Variants in CFAP251 observed in about 807,000 individuals in gnomAD.
The protein encoded by CFAP251 is cilia and flagella associated protein 251, also known as cilia- and flagella-associated protein 251.
In CFAP251, 93 loss-of-function variants were observed where a neutral mutation model predicts 126.7. The ratio of observed to expected loss-of-function variants is 0.73; its 90% CI spans 0.62 to 0.87. The LOEUF (loss-of-function observed/expected upper bound fraction) is 0.87, where lower values mean the gene tolerates loss of function less well. Ranked by LOEUF, CFAP251 falls within the 40% of genes least tolerant of loss-of-function variation. The probability of loss-of-function intolerance (pLI) is 0.00; values close to 1 mark genes in which losing one functional copy is unlikely to be tolerated. For missense variants in CFAP251, 1,287 were observed against 1,389.2 expected, an observed-to-expected ratio of 0.93 and a Z score of 1.17; for synonymous variants, 503 against 506.9, an observed-to-expected ratio of 0.99 and a Z score of 0.10.
chr12:121,966,762 T>A (rs969996306), intron 15 of CFAP251, among the ~76,000 whole-genome samples, 193 bp from the exon 16 acceptor site: 1 of 151,696 alleles, frequency 6.6e-6, no homozygotes, highest in African/African-American at 2.4e-5. Flanking sequence ...ATTTTTGTAT[T>A]TTTAGTAGAG....
At chr12:121,986,116 C>T (rs763446720) in intron 19 of CFAP251, among the ~76,000 whole-genome samples, 2 of 151,838 alleles carry the variant, frequency 1.3e-5, no homozygotes, top group Admixed American at 6.6e-5. Context: ...CTCAGCCTCC[C>T]GAGTAGCTGG....
intron 19 of CFAP251, among the ~76,000 whole-genome samples, chr12:121,987,453 A>G (rs1035324595): frequency 1.3e-5 from 2 of 152,254 alleles, no homozygotes; most frequent in South Asian, 4.1e-4. Context: ...GGTGGTTCAT[A>G]CCCGTAATCC....
intron 21 of CFAP251, among the ~76,000 whole-genome samples, chr12:122,003,319 C>G (rs1362921838): frequency 6.6e-6 from 1 of 152,178 alleles, no homozygotes; most frequent in Non-Finnish European, 1.5e-5. Flanking sequence ...TAGCTGTAAT[C>G]CCAGCGCTTT....
intron 10 of CFAP251, among the ~76,000 whole-genome samples, chr12:121,956,159 G>A (rs952925703): frequency 2.6e-5 from 4 of 152,202 alleles, no homozygotes; most frequent in African/African-American, 9.7e-5. Flanking sequence ...GCCTTCTGCC[G>A]TGATGACTGG....
chr12:121,941,054 G>A (rs1881091666), intron 5 of CFAP251, among the ~76,000 whole-genome samples: 1 of 150,222 alleles, frequency 6.7e-6, no homozygotes. Context: ...TTTTTGAGAT[G>A]GAGTTTCACT....
At chr12:121,954,636 TAAAAAAAAAAAAAA>T (rs1174239421) in intron 10 of CFAP251, among the ~76,000 whole-genome samples, 89 of 41,984 alleles carry the variant, frequency 2.1e-3, no homozygotes, top group African/African-American at 8.0e-3. Flanking sequence ...CCTCCTGTCT[TAAAAAAAAAAAAAA>T]AAAAAAAAAA....
chr12:121,937,369 G>A (rs1194894315), intron 5 of CFAP251, among the ~76,000 whole-genome samples: 2 of 152,264 alleles, frequency 1.3e-5, no homozygotes, highest in Admixed American at 6.5e-5. Context: ...GCCCACCCCA[G>A]TCCAGCACAA....
intron 19 of CFAP251, chr12:121,998,467 ATATATATATATATATATATAT>A (rs1883073605): frequency 2.2e-5 from 1 of 45,064 alleles, no homozygotes; most frequent in African/African-American, 8.6e-5. Context: ...ATATATATAT[ATATATATATATATATATATAT>A]GATTGTGTTA....
At chr12:121,951,607 G>T in intron 9 of CFAP251, 77 bp downstream of exon 9, 1 of 1,135,722 alleles carries the variant, frequency 8.8e-7, no homozygotes. Context: ...AGCTGCTTCG[G>T]GCTACTCTTT....
chr12:121,924,118 GT>G lies in CFAP251; in HGVS notation c.747+139del, dbSNP rs746802191. The G allele has an allele frequency of 3.0e-3, 3,165 of 1,039,486 alleles. 1 individual carries two copies. The highest frequency in any genetic ancestry group is 5.6e-3 in the Admixed American group (181 of 32,078). The allele number at this position is 1,039,486 out of a possible 1,614,324, so 64.4% of individuals were successfully genotyped here. A position where few individuals can be genotyped will look rare whatever the true frequency, so the allele number is the denominator to read the frequency against. On this transcript the variant is annotated intron_variant, in intron 3 of 21. Transcript: ENST00000288912. The stretch of plus-strand genomic sequence containing the variant: ...CTTTTTAAACTAATAATAGACTTGT[GT>G]TTTTTTTTTTAAGACAGTCTTGCTT...
At chr12:121,929,581 CA>C (rs1161637048) in intron 3 of CFAP251, among the ~76,000 whole-genome samples, 1 of 151,942 alleles carries the variant, frequency 6.6e-6, no homozygotes, top group African/African-American at 2.4e-5. Flanking sequence ...GACATGTACC[CA>C]GCATTCTAGT....
chr12:121,961,909 T>C, intron 14 of CFAP251, 69 bp from the exon 15 acceptor site: 3 of 1,494,708 alleles, frequency 2.0e-6, no homozygotes, highest in Non-Finnish European at 1.8e-6. Context: ...ACCCAAGAGC[T>C]TGGGGTTCCT....
chr12:121,960,860 T>G, intron 14 of CFAP251, 102 bp downstream of exon 14: 1 of 1,378,454 alleles, frequency 7.3e-7, no homozygotes, highest in Non-Finnish European at 9.9e-7. Flanking sequence ...TACGTGTGTT[T>G]GTTGGAGAAA....
chr12:121,942,472 G>A, intron 5 of CFAP251, 62 bp from the exon 6 acceptor site: 1 of 1,227,866 alleles, frequency 8.1e-7, no homozygotes, highest in Non-Finnish European at 1.2e-6. Flanking sequence ...GACCTGCCCT[G>A]GGACTCTCTG....
At chr12:121,928,033 C>T (rs148359643) in intron 3 of CFAP251, among the ~76,000 whole-genome samples, 4 of 152,278 alleles carry the variant, frequency 2.6e-5, no homozygotes, top group Non-Finnish European at 4.4e-5. Context: ...CAATTGTGAA[C>T]GCTGCTCGAG....
rs955189524 is a variant in CFAP251, at chr12:121,989,547, G to A, written c.3007-10169G>A. ...CCAGATGTGGCCATGCAGTGACGCT[G>A]CCCAGCCCTTACGCCCCCTCCTCAG... is the stretch of plus-strand genomic sequence containing the variant. On this transcript the variant is annotated intron_variant, in intron 19 of 21. Coordinates refer to ENST00000288912, the MANE Select transcript of CFAP251 (RefSeq NM_144668.6). The surrounding 1 kb of genome is among the most constrained non-coding windows in gnomAD (Gnocchi z 4.2). Among the ~76,000 whole-genome samples the A allele has an allele frequency of 1.3e-5, 2 of 152,212 alleles. No homozygotes were observed. The highest frequency in any genetic ancestry group is 6.5e-5 in the Admixed American group (1 of 15,280).
chr12:121,954,010 T>C, intron 9 of CFAP251, 110 bp from the exon 10 acceptor site: 1 of 1,030,604 alleles, frequency 9.7e-7, no homozygotes, highest in South Asian at 1.7e-5. Flanking sequence ...TTTCTTTTTC[T>C]TTCTCTTTTT....
In CFAP251 at chr12:121,989,300, A is replaced by C. The variant is rs1261533635; in HGVS notation, c.3007-10416A>C. Among the ~76,000 whole-genome samples, 1 of 152,142 alleles carries C rather than the reference A, an allele frequency of 6.6e-6. No homozygotes were observed. The highest frequency in any genetic ancestry group is 6.5e-5 in the Admixed American group (1 of 15,278). ...ACAGTCACTCTAAAGGGCCCTGTGAATGGGTGTTGTTCACATGGAGTAGAA... is the reference window on the plus strand; with the variant it reads ...ACAGTCACTCTAAAGGGCCCTGTGACTGGGTGTTGTTCACATGGAGTAGAA... On this transcript the variant is annotated intron_variant, in intron 19 of 21. Coordinates refer to ENST00000288912, the MANE Select transcript of CFAP251 (RefSeq NM_144668.6). This position sits in a 1 kb window ranked among gnomAD's most constrained non-coding sequence, Gnocchi z 4.2.
intron 5 of CFAP251, among the ~76,000 whole-genome samples, chr12:121,935,808 C>T (rs886170224): frequency 2.0e-5 from 3 of 152,194 alleles, no homozygotes; most frequent in African/African-American, 7.2e-5. Flanking sequence ...GTCCGGAAGG[C>T]CGGGGTTGTG....
Sources: allele counts gnomAD v4.1 joint callset (sites outside exome capture counted in the v4.1 genomes callset), GRCh38; gene constraint gnomAD v4.1.1; non-coding constraint Gnocchi (gnomAD v3.1); transcripts MANE v1.5; gene names NCBI Gene and HGNC (gene_info 2026-07-23, HGNC 2026-07-21).